Variants in EIF4G3 observed in about 807,000 individuals in gnomAD.
The protein encoded by EIF4G3 is eukaryotic translation initiation factor 4 gamma 3.
In EIF4G3, 34 loss-of-function variants were observed where a neutral mutation model predicts 186.4. The ratio of observed to expected loss-of-function variants is 0.18; its 90% CI spans 0.14 to 0.24. The LOEUF is 0.24. Ranked by LOEUF, EIF4G3 falls within the 10% of genes least tolerant of loss-of-function variation. The probability of loss-of-function intolerance (pLI) is 1.00; values close to 1 mark genes in which losing one functional copy is unlikely to be tolerated. For synonymous variants in EIF4G3, 673 were observed against 679.5 expected, an observed-to-expected ratio of 0.99 and a Z score of 0.15; for missense variants, 1,536 against 1,948.5, an observed-to-expected ratio of 0.79 and a Z score of 3.99.
intron 4 of EIF4G3, among the ~76,000 whole-genome samples, chr1:21,015,718 G>A (rs984026429): frequency 4.1e-5 from 6 of 146,714 alleles, no homozygotes; most frequent in Non-Finnish European, 1.5e-5. Context: ...CAGACCAGAA[G>A]GTAGTAGAAT....
At chr1:20,829,074 T>C (rs550642871) in intron 31 of EIF4G3, 73 bp downstream of exon 31, 10 of 1,530,828 alleles carry the variant, frequency 6.5e-6, no homozygotes, top group East Asian at 2.3e-5. Flanking sequence ...GACAGTACTA[T>C]GATAGAGAGC....
chr1:21,117,302 A>G (rs2096841712), intron 2 of EIF4G3, among the ~76,000 whole-genome samples: 1 of 152,090 alleles, frequency 6.6e-6, no homozygotes, highest in South Asian at 2.1e-4. Flanking sequence ...TATCTCATGA[A>G]TGAGTATCAA....
intron 3 of EIF4G3, among the ~76,000 whole-genome samples, chr1:21,067,984 T>C (rs58216166): frequency 2.2e-3 from 329 of 152,188 alleles, no homozygotes; most frequent in African/African-American, 4.6e-3. Context: ...ATGTTTACTG[T>C]TCTGCAAAGT....
chr1:21,055,749 G>GA (rs2094533502), intron 3 of EIF4G3, among the ~76,000 whole-genome samples: 1 of 151,730 alleles, frequency 6.6e-6, no homozygotes, highest in Non-Finnish European at 1.5e-5. Context: ...CAACCAATGA[G>GA]AAAATGAAGT....
At chr1:21,101,122 A>G (rs2096508648) in intron 2 of EIF4G3, among the ~76,000 whole-genome samples, 1 of 152,218 alleles carries the variant, frequency 6.6e-6, no homozygotes. Flanking sequence ...GATAAAAAAG[A>G]GATCAAAGTT....
At chr1:20,811,634 G>C (rs899415566) in intron 35 of EIF4G3, among the ~76,000 whole-genome samples, 1 of 152,176 alleles carries the variant, frequency 6.6e-6, no homozygotes, top group Admixed American at 6.5e-5. Flanking sequence ...AACAGTGACT[G>C]TGGTTTTATG....
chr1:20,831,706 C>G, intron 30 of EIF4G3, among the ~76,000 whole-genome samples: 1 of 150,998 alleles, frequency 6.6e-6, no homozygotes, highest in African/African-American at 2.4e-5. Flanking sequence ...GTGCTGCACC[C>G]ACTAACTCGT....
chr1:21,118,012 T>C (rs984700225), intron 2 of EIF4G3, among the ~76,000 whole-genome samples: 4 of 152,210 alleles, frequency 2.6e-5, no homozygotes, highest in African/African-American at 4.8e-5. Context: ...TGCAAACTAG[T>C]TCACTGAGAA....
intron 14 of EIF4G3, among the ~76,000 whole-genome samples, chr1:20,919,258 A>G (rs2094255219): frequency 1.3e-5 from 2 of 152,168 alleles, no homozygotes; most frequent in African/African-American, 4.8e-5. Flanking sequence ...GCCCAGGCTG[A>G]AGAACAGTGG....
intron 14 of EIF4G3, among the ~76,000 whole-genome samples, chr1:20,914,131 T>C (rs1234466143): frequency 1.3e-5 from 2 of 151,290 alleles, no homozygotes; most frequent in Non-Finnish European, 2.9e-5. Flanking sequence ...TTTCTAACAG[T>C]TGCGGTTAGT....
intron 27 of EIF4G3, 70 bp downstream of exon 27, chr1:20,853,490 T>C: frequency 6.1e-6 from 6 of 984,666 alleles, no homozygotes; most frequent in Non-Finnish European, 9.7e-6. Context: ...TCAAAACCCT[T>C]GTTCTTATCT....
chr1:21,117,807 T>C (rs1394532289), intron 2 of EIF4G3, among the ~76,000 whole-genome samples: 1 of 144,226 alleles, frequency 6.9e-6, no homozygotes, highest in African/African-American at 2.6e-5. Context: ...CTTTAGGGGA[T>C]ATCTCCTCAG....
chr1:21,080,664 C>T (rs1035060459), intron 3 of EIF4G3, among the ~76,000 whole-genome samples: 12 of 152,048 alleles, frequency 7.9e-5, no homozygotes, highest in African/African-American at 2.9e-4. Context: ...TGTGCGCCAC[C>T]ATGCCCGGCT....
intron 3 of EIF4G3, among the ~76,000 whole-genome samples, chr1:21,080,358 T>C (rs916344579): frequency 6.6e-6 from 1 of 151,374 alleles, no homozygotes; most frequent in African/African-American, 2.4e-5. Context: ...ATAAATTTTA[T>C]GGCATTGAAG....
At chr1:20,945,788 A>ATTTG (rs576420143) in intron 13 of EIF4G3, among the ~76,000 whole-genome samples, 209 of 152,232 alleles carry the variant, frequency 1.4e-3, no homozygotes, top group African/African-American at 3.5e-3. Context: ...TCTGGCAAGA[A>ATTTG]TTTGTTTGTT....
chr1:21,047,482 G>T (rs1288387454), intron 4 of EIF4G3, among the ~76,000 whole-genome samples: 2 of 152,220 alleles, frequency 1.3e-5, no homozygotes, highest in East Asian at 3.9e-4. Context: ...GGAGCTCAGA[G>T]GAACTTTGTC....
intron 15 of EIF4G3, among the ~76,000 whole-genome samples, chr1:20,901,896 C>T (rs2090418759): frequency 6.6e-6 from 1 of 152,040 alleles, no homozygotes; most frequent in South Asian, 2.1e-4. Flanking sequence ...ATTCACTTGA[C>T]AGAACTCTGT....
At chr1:20,971,270 C>T (rs140509203) in intron 11 of EIF4G3, among the ~76,000 whole-genome samples, 116 of 152,304 alleles carry the variant, frequency 7.6e-4, no homozygotes, top group Middle Eastern at 3.4e-3. Flanking sequence ...AATGAAACTA[C>T]CTGGATCTGG....
chr1:20,980,297 A>C, intron 10 of EIF4G3, 37 bp downstream of exon 10: 3 of 1,446,744 alleles, frequency 2.1e-6, no homozygotes, highest in Non-Finnish European at 2.8e-6. Flanking sequence ...AATAAACACA[A>C]AAAACTAGCA....
Sources: allele counts gnomAD v4.1 joint callset (sites outside exome capture counted in the v4.1 genomes callset), GRCh38; gene constraint gnomAD v4.1.1; transcripts MANE v1.5; gene names NCBI Gene and HGNC (gene_info 2026-07-23, HGNC 2026-07-21).